ZNF704: variants seen among roughly 807,000 people sequenced by gnomAD.
ZNF704 encodes the protein zinc finger protein 704, also known as glucocorticoid induced gene 1.
In ZNF704, 10 loss-of-function variants were observed where a neutral mutation model predicts 44.7. That is an observed-to-expected ratio of 0.22 (90% CI 0.14 to 0.38). The LOEUF (loss-of-function observed/expected upper bound fraction) is 0.38, where lower values mean the gene tolerates loss of function less well. Among genes scored for constraint, ZNF704 ranks in the 10% least tolerant of loss-of-function variants. ZNF704 has a pLI of 1.00. For missense variants in ZNF704, 390 were observed against 545.5 expected (o/e 0.71, Z 2.84); for synonymous variants, 211 against 207.6 (o/e 1.02, Z -0.14).
intron 2 of ZNF704, among the ~76,000 whole-genome samples, chr8:80,712,186 G>C (rs913461757): frequency 6.6e-6 from 1 of 152,174 alleles, no homozygotes; most frequent in Non-Finnish European, 1.5e-5. Context: ...GGAAAAGGAC[G>C]AGTTTGGCCC....
intron 1 of ZNF704, among the ~76,000 whole-genome samples, chr8:80,859,161 G>A (rs1417343864): frequency 6.6e-6 from 1 of 152,042 alleles, no homozygotes. Flanking sequence ...GGATTTTTAT[G>A]TCTTCTTGAT....
chr8:80,821,370 T>C lies in ZNF704; in HGVS notation c.221+4A>G, dbSNP rs1162944763. 1.9e-6 allele frequency: 3 copies of C among 1,613,400 alleles called. No individual in the cohort carries two copies. The highest frequency in any genetic ancestry group is 8.5e-7 in the Non-Finnish European group (1 of 1,179,552). On this transcript the variant is annotated splice_donor_region_variant and intron_variant, in intron 2 of 8. Coordinates refer to ENST00000327835, the MANE Select transcript of ZNF704 (RefSeq NM_001033723.3). ...GACACATGTGAGATTTAATGTTCCC[T>C]TACCTTGCTGGAGGAACATCAATGT...
At chr8:80,838,472 G>C (rs1808618508) in intron 1 of ZNF704, among the ~76,000 whole-genome samples, 1 of 152,092 alleles carries the variant, frequency 6.6e-6, no homozygotes, top group Admixed American at 6.5e-5. Flanking sequence ...CTGGCTGGTG[G>C]TGATGAAGAA....
intron 2 of ZNF704, among the ~76,000 whole-genome samples, chr8:80,807,533 C>T (rs896507986): frequency 6.6e-5 from 10 of 151,280 alleles, no homozygotes; most frequent in African/African-American, 2.2e-4. Flanking sequence ...TCTAATTGAC[C>T]CCCCCCAAAA....
intron 2 of ZNF704, among the ~76,000 whole-genome samples, chr8:80,748,102 G>A (rs566828190): frequency 6.6e-6 from 1 of 152,298 alleles, no homozygotes; most frequent in East Asian, 1.9e-4. Context: ...TTTATGTGAA[G>A]GCTATACTCC....
intron 4 of ZNF704, among the ~76,000 whole-genome samples, chr8:80,679,244 G>A (rs1329677799): frequency 1.3e-5 from 2 of 152,164 alleles, no homozygotes; most frequent in African/African-American, 4.8e-5. Context: ...CATTCTTGCA[G>A]CAAAGCATGA....
intron 2 of ZNF704, among the ~76,000 whole-genome samples, chr8:80,721,770 G>T (rs1003016424): frequency 1.3e-5 from 2 of 152,146 alleles, no homozygotes; most frequent in African/African-American, 4.8e-5. Context: ...TCCAGTGGAA[G>T]AACTGTAGTA....
At chr8:80,867,620 TTGTC>T (rs1412110457) in intron 1 of ZNF704, among the ~76,000 whole-genome samples, 1 of 152,124 alleles carries the variant, frequency 6.6e-6, no homozygotes, top group African/African-American at 2.4e-5. Context: ...AATGACAACT[TTGTC>T]TGGTATCTTA....
chr8:80,882,480 G>T, the ZNF704 span, among the ~76,000 whole-genome samples: 3 of 152,104 alleles, frequency 2.0e-5, no homozygotes, highest in Non-Finnish European at 4.4e-5. Flanking sequence ...ATATCCACTT[G>T]TGTGAGCCCT....
At chr8:80,700,782 T>C (rs1441324046) in intron 2 of ZNF704, among the ~76,000 whole-genome samples, 1 of 151,944 alleles carries the variant, frequency 6.6e-6, no homozygotes, top group Non-Finnish European at 1.5e-5. Context: ...TCTGTGTAGA[T>C]TTGAAACTTC....
At chr8:80,697,712 G>A (rs1261040370) in intron 2 of ZNF704, among the ~76,000 whole-genome samples, 1 of 152,198 alleles carries the variant, frequency 6.6e-6, no homozygotes, top group African/African-American at 2.4e-5. Context: ...ACCAGCATGA[G>A]CCTCAGCCAC....
chr8:80,796,354 C>A (rs1017986651), intron 2 of ZNF704, among the ~76,000 whole-genome samples: 15 of 152,146 alleles, frequency 9.9e-5, no homozygotes, highest in Admixed American at 9.8e-4. Flanking sequence ...ACTCATTAAC[C>A]CATTAATCCA....
chr8:80,724,774 T>C (rs973157365), intron 2 of ZNF704, among the ~76,000 whole-genome samples: 11 of 152,212 alleles, frequency 7.2e-5, no homozygotes, highest in African/African-American at 1.7e-4. Flanking sequence ...CAGGCACTCA[T>C]TGTCTCTCTG....
intron 2 of ZNF704, among the ~76,000 whole-genome samples, chr8:80,703,894 C>G (rs73273021): frequency 0.074 from 11,304 of 152,248 alleles, 1,420 homozygotes; most frequent in African/African-American, 0.26. Context: ...TTCTGCAGTT[C>G]TCCTCTGCTC....
chr8:80,796,084 C>A (rs974107477), intron 2 of ZNF704, among the ~76,000 whole-genome samples: 1 of 152,170 alleles, frequency 6.6e-6, no homozygotes, highest in African/African-American at 2.4e-5. Flanking sequence ...AACCGGGTGT[C>A]TTAGTCCATA....
intron 3 of ZNF704, 85 bp from the exon 4 acceptor site, chr8:80,687,543 A>G: frequency 1.0e-6 from 1 of 994,016 alleles, no homozygotes; most frequent in Non-Finnish European, 1.4e-6. Context: ...TTGGTTCTAC[A>G]CCAGTGAAAC....
At position 80,740,778 on chromosome 8, in the gene ZNF704, T is replaced by G. The variant is rs569309024; in HGVS notation, c.222-47671A>C. Among the ~76,000 whole-genome samples the G allele has an allele frequency of 1.2e-4, 18 of 152,372 alleles. No individual in the cohort carries two copies. In the East Asian group the frequency reaches 3.5e-3, roughly 29 times the overall value. ...ACCCAACGTCTCAACTCACCTGGAC[T>G]GTCTTATCCCAAGGGTTCAGGGATA... is the stretch of plus-strand genomic sequence containing the variant. On this transcript the variant is annotated intron_variant, in intron 2 of 8. Coordinates refer to ENST00000327835, the MANE Select transcript of ZNF704 (RefSeq NM_001033723.3).
At position 80,638,067 on chromosome 8, in the gene ZNF704, C is replaced by G. The variant is rs945708751; in HGVS notation, c.*3299G>C. ...GAGCAAGAGCCAGGTGTCCACAGCC[C>G]TCTTGTACCTCCCCCCTGACTCCCT... On this transcript the variant is annotated 3_prime_UTR_variant, in exon 9 of 9. Transcript: ENST00000327835. 1.3e-5 allele frequency: 2 copies of G among 152,404 alleles called. No homozygotes were observed. The highest frequency in any genetic ancestry group is 1.3e-4 in the Admixed American group (2 of 15,286). 9.4% of individuals were successfully genotyped at this position (152,404 alleles called of 1,614,324 possible). A position where few individuals can be genotyped will look rare whatever the true frequency, so the allele number is the denominator to read the frequency against.
At chr8:80,662,581 T>C (rs770074476) in intron 6 of ZNF704, among the ~76,000 whole-genome samples, 2 of 152,236 alleles carry the variant, frequency 1.3e-5, no homozygotes, top group Non-Finnish European at 2.9e-5. Context: ...CTCTATTCAA[T>C]TACTCTTGAG....
Sources: gnomAD v4.1 joint callset for allele counts (sites outside exome capture counted in the v4.1 genomes callset) on GRCh38, gnomAD v4.1.1 for gene constraint, MANE v1.5 for transcripts, NCBI Gene and HGNC (gene_info 2026-07-23, HGNC 2026-07-21) for gene names.